Variants in PIEZO2 observed in about 807,000 individuals in gnomAD.
PIEZO2 encodes the protein piezo-type mechanosensitive ion channel component 2.
PIEZO2 carries 172 observed loss-of-function variants against 337.3 expected under a neutral mutation model. The observed-to-expected ratio is 0.51, with a 90% CI of 0.45 to 0.58. PIEZO2 has a LOEUF of 0.58. PIEZO2 is among the 20% of genes least tolerant of loss of function. PIEZO2 has a pLI of 0.00. For synonymous variants in PIEZO2, 1,251 were observed against 1,228.5 expected, an observed-to-expected ratio of 1.02 and a Z score of -0.38; for missense variants, 3,028 against 3,391.3, an observed-to-expected ratio of 0.89 and a Z score of 2.66.
At position 10,783,568 on chromosome 18, in the gene PIEZO2, A is replaced by G. The variant is rs1203006565; in HGVS notation, c.2492+1216T>C. Among the ~76,000 whole-genome samples, 1 of 152,312 alleles carries G rather than the reference A, an allele frequency of 6.6e-6. No homozygotes were observed. The highest frequency in any genetic ancestry group is 1.9e-4 in the East Asian group (1 of 5,182). On this transcript the variant is annotated intron_variant, in intron 17 of 55. Coordinates refer to ENST00000674853, the MANE Select transcript of PIEZO2 (RefSeq NM_001378183.1). This position sits in a 1 kb window ranked among gnomAD's most constrained non-coding sequence, Gnocchi z 4.3. ...ATCACTGAAGGTAGCAGGAGTACAG[A>G]TATGGAGATGGTAAACCACTGACCC... is the stretch of plus-strand genomic sequence containing the variant.
intron 2 of PIEZO2, among the ~76,000 whole-genome samples, chr18:10,981,291 G>T (rs527500745): frequency 6.6e-6 from 1 of 151,804 alleles, no homozygotes; most frequent in Non-Finnish European, 1.5e-5. Flanking sequence ...TAAAATAATG[G>T]CATCTTATGT....
intron 1 of PIEZO2, among the ~76,000 whole-genome samples, chr18:11,115,234 T>G (rs1486592084): frequency 6.6e-6 from 1 of 152,220 alleles, no homozygotes; most frequent in African/African-American, 2.4e-5. Flanking sequence ...TAAATAAATA[T>G]GTTCATTTGC....
intron 4 of PIEZO2, among the ~76,000 whole-genome samples, chr18:10,887,232 G>T (rs1342147536): frequency 1.3e-5 from 2 of 151,784 alleles, no homozygotes; most frequent in African/African-American, 2.4e-5. Flanking sequence ...AGCACACCTG[G>T]CTAATTTTTT....
At chr18:10,738,548 G>A (rs145708916) in intron 33 of PIEZO2, 4 of 152,276 alleles carry the variant, frequency 2.6e-5, no homozygotes, top group African/African-American at 9.6e-5. Flanking sequence ...GAAAATGACA[G>A]AGCACATTTT....
chr18:11,001,164 G>C lies in PIEZO2; in HGVS notation c.161-21504C>G, dbSNP rs956836346. ...GAGCCATTTTGGTCATCTTGATCTG[G>C]ATATTGATTGTCCTCAAGCAGATGT... On this transcript the variant is annotated intron_variant, in intron 2 of 55. Coordinates refer to ENST00000674853, the MANE Select transcript of PIEZO2 (RefSeq NM_001378183.1). This position sits in a 1 kb window ranked among gnomAD's most constrained non-coding sequence, Gnocchi z 5.3. 6.6e-6 allele frequency among the ~76,000 whole-genome samples: 1 copy of C among 152,120 alleles called. No homozygotes were observed. Among genetic ancestry groups the C allele is most frequent in the Non-Finnish European group, 1.5e-5 (1 of 68,020 alleles).
chr18:11,057,064 G>A (rs1424646799), intron 2 of PIEZO2, among the ~76,000 whole-genome samples: 2 of 151,934 alleles, frequency 1.3e-5, no homozygotes, highest in South Asian at 4.2e-4. Flanking sequence ...CACAGCTGAT[G>A]GACACAGCTG....
In PIEZO2 at chr18:11,126,066, C is replaced by T. The variant is rs930082507; in HGVS notation, c.64+22459G>A. On this transcript the variant is annotated intron_variant, in intron 1 of 55. Transcript: ENST00000674853. The surrounding 1 kb of genome is among the most constrained non-coding windows in gnomAD (Gnocchi z 4.6). ...ACGTTAACTTTCAGTCTGTACTTAC[C>T]CTTAGACCTGCATTACAAGTAGAAC... is the stretch of plus-strand genomic sequence containing the variant. Among the ~76,000 whole-genome samples the T allele has an allele frequency of 1.3e-5, 2 of 152,276 alleles. No homozygotes were observed. Among genetic ancestry groups the T allele is most frequent in the Middle Eastern group, 6.8e-3 (2 of 292 alleles).
In PIEZO2 at chr18:10,940,630, C is replaced by T. The variant is rs1163131765; in HGVS notation, c.287-29402G>A. On this transcript the variant is annotated intron_variant, in intron 3 of 55. Transcript: ENST00000674853. This position sits in a 1 kb window ranked among gnomAD's most constrained non-coding sequence, Gnocchi z 5.3. ...TGTAATCCCAACACTTCGAGAGGCC[C>T]AGGCGGGCGGCTCACAAGGCCAAGT... is the stretch of plus-strand genomic sequence containing the variant. 6.6e-6 allele frequency among the ~76,000 whole-genome samples: 1 copy of T among 152,140 alleles called. No homozygotes were observed. Among genetic ancestry groups the T allele is most frequent in the Non-Finnish European group, 1.5e-5 (1 of 68,002 alleles).
chr18:10,823,019 G>A (rs1367822849), intron 7 of PIEZO2, among the ~76,000 whole-genome samples: 1 of 152,146 alleles, frequency 6.6e-6, no homozygotes, highest in Non-Finnish European at 1.5e-5. Context: ...AAGATGATTT[G>A]AAAATGATAT....
intron 3 of PIEZO2, among the ~76,000 whole-genome samples, chr18:10,970,660 T>TCA (rs71169962): frequency 0.057 from 7,759 of 137,298 alleles, 264 homozygotes; most frequent in Admixed American, 0.11. Flanking sequence ...AAAAGATGTT[T>TCA]CACACACACA....
rs150336818 is a variant in PIEZO2 at position 10,707,301 on chromosome 18, A to T, written c.5588+974T>A. 1.3e-5 allele frequency among the ~76,000 whole-genome samples: 2 copies of T among 152,208 alleles called. No homozygotes were observed. The highest frequency in any genetic ancestry group is 2.9e-5 in the Non-Finnish European group (2 of 68,016). On this transcript the variant is annotated intron_variant, in intron 40 of 55. Transcript: ENST00000674853. This position sits in a 1 kb window ranked among gnomAD's most constrained non-coding sequence, Gnocchi z 4.2. ...CCCTTTGGTTTGGATCTCTTGTAGC[A>T]CCAAGGGGTGGAGGGTACCTTCAGA...
At chr18:10,721,924 G>A (rs534413847) in intron 36 of PIEZO2, among the ~76,000 whole-genome samples, 72 of 152,266 alleles carry the variant, frequency 4.7e-4, no homozygotes, top group African/African-American at 1.5e-3. Context: ...GGGAGACCGA[G>A]GTGGGAGGAT....
At chr18:10,737,297 A>C (rs73946005) in intron 33 of PIEZO2, among the ~76,000 whole-genome samples, 6 of 147,972 alleles carry the variant, frequency 4.1e-5, no homozygotes, top group Non-Finnish European at 5.9e-5. Flanking sequence ...AAAAAAAAAA[A>C]CAAAAAAACA....
In PIEZO2 at chr18:10,837,589, T is replaced by C. The variant is rs148532790; in HGVS notation, c.917+17764A>G. ...ATCCAAAATTCTATGGTACAATCTA[T>C]GTAAGAAAAGGCCTAAAATCTAACT... On this transcript the variant is annotated intron_variant, in intron 7 of 55. Transcript: ENST00000674853. This position sits in a 1 kb window ranked among gnomAD's most constrained non-coding sequence, Gnocchi z 4.4. 2.0e-5 allele frequency among the ~76,000 whole-genome samples: 3 copies of C among 152,292 alleles called. No homozygotes were observed. The highest frequency in any genetic ancestry group is 4.4e-5 in the Non-Finnish European group (3 of 68,030).
chr18:10,693,974 TC>T (rs1024790690), intron 47 of PIEZO2, among the ~76,000 whole-genome samples: 2 of 152,194 alleles, frequency 1.3e-5, no homozygotes, highest in Non-Finnish European at 2.9e-5. Flanking sequence ...GCAGTGGCGT[TC>T]ATCTGAATTA....
chr18:10,763,406 ATG>A (rs1294453703), intron 21 of PIEZO2: 3 of 285,250 alleles, frequency 1.1e-5, no homozygotes, highest in Admixed American at 5.0e-5. Context: ...CCTTGGTCCA[ATG>A]TGGAGGTCAG....
At chr18:10,686,428 C>A (rs2034548189) in intron 49 of PIEZO2, among the ~76,000 whole-genome samples, 1 of 152,166 alleles carries the variant, frequency 6.6e-6, no homozygotes, top group South Asian at 2.1e-4. Flanking sequence ...TCCAGAGAGT[C>A]AGAGACAAGA....
At position 11,112,384 on chromosome 18, in the gene PIEZO2, C is replaced by T. The variant is rs551237436; in HGVS notation, c.64+36141G>A. 4.9e-4 allele frequency among the ~76,000 whole-genome samples: 75 copies of T among 152,292 alleles called. 1 individual carries two copies. The highest frequency in any genetic ancestry group is 1.8e-3 in the African/African-American group (73 of 41,560). On this transcript the variant is annotated intron_variant, in intron 1 of 55. Transcript: ENST00000674853. This position sits in a 1 kb window ranked among gnomAD's most constrained non-coding sequence, Gnocchi z 4.3. ...CCTGGTCCAGTCATTCTGAGAACAA[C>T]CCTTCAACGCTTTAATTAAAGAGGC...
chr18:11,137,039 G>A (rs1173545290), intron 1 of PIEZO2, among the ~76,000 whole-genome samples: 10 of 152,178 alleles, frequency 6.6e-5, no homozygotes, highest in Non-Finnish European at 2.9e-5. Context: ...GATACAGAAA[G>A]CCAATTCGAA....
Sources: allele counts gnomAD v4.1 joint callset (sites outside exome capture counted in the v4.1 genomes callset), GRCh38; gene constraint gnomAD v4.1.1; non-coding constraint Gnocchi (gnomAD v3.1); transcripts MANE v1.5; gene names NCBI Gene and HGNC (gene_info 2026-07-23, HGNC 2026-07-21).